Variants in CACNA1B observed in about 807,000 individuals in gnomAD.
The protein encoded by CACNA1B is voltage-dependent N-type calcium channel subunit alpha-1B.
CACNA1B carries 70 observed loss-of-function variants against 247.2 expected under a neutral mutation model. That is an observed-to-expected ratio of 0.28 (90% confidence interval 0.23 to 0.35). CACNA1B has a LOEUF of 0.35. CACNA1B is among the 10% of genes least tolerant of loss of function. The pLI, the probability that CACNA1B is intolerant of heterozygous loss-of-function variation, is 1.00. For missense variants in CACNA1B, 2,367 were observed against 3,197.4 expected (o/e 0.74, Z 6.26); for synonymous variants, 1,231 against 1,294.4 (o/e 0.95, Z 1.05).
intron 16 of CACNA1B, among the ~76,000 whole-genome samples, chr9:138,009,194 G>A (rs1039049034): frequency 1.3e-5 from 2 of 152,224 alleles, no homozygotes; most frequent in African/African-American, 2.4e-5. Context: ...TGCCTGTGCC[G>A]GTACCTGTGG....
chr9:138,119,834 C>T (rs1345006625), intron 44 of CACNA1B, among the ~76,000 whole-genome samples: 2 of 152,154 alleles, frequency 1.3e-5, no homozygotes, highest in African/African-American at 2.4e-5. Context: ...GGAAGCAGCT[C>T]GGGAGCCAGT....
chr9:138,004,316 G>A (rs537706775), intron 15 of CACNA1B, among the ~76,000 whole-genome samples: 22 of 152,052 alleles, frequency 1.4e-4, no homozygotes, highest in East Asian at 3.9e-4. Flanking sequence ...GGAGGCTGAG[G>A]GGGGGCTGAT....
In CACNA1B at chr9:137,971,640, C is replaced by T. The variant is rs1207724625; in HGVS notation, c.1543+48C>T. The T allele has an allele frequency of 6.6e-7, 1 of 1,517,424 alleles. No individual in the cohort carries two copies. Among genetic ancestry groups the T allele is most frequent in the East Asian group, 2.3e-5 (1 of 42,966 alleles). 94.0% of individuals were successfully genotyped at this position (1,517,424 alleles called of 1,614,324 possible). A position where few individuals can be genotyped will look rare whatever the true frequency, so the allele number is the denominator to read the frequency against. ...CAGGTGCTTCCTGAGCATCTCTGCT[C>T]TCAGTCTGGAAACCCTGGTCCATGC... On this transcript the variant is annotated intron_variant, in intron 11 of 46. Transcript: ENST00000371372. The surrounding 1 kb of genome is among the most constrained non-coding windows in gnomAD (Gnocchi z 4.4).
At position 137,913,135 on chromosome 9, in the gene CACNA1B, C is replaced by T; in HGVS notation, c.531-45C>T. On this transcript the variant is annotated intron_variant, in intron 3 of 46. Coordinates refer to ENST00000371372, the MANE Select transcript of CACNA1B (RefSeq NM_000718.4). The surrounding 1 kb of genome is among the most constrained non-coding windows in gnomAD (Gnocchi z 5.2). ...GGAGGAGTGTGTCCTCTTCCAGGCT[C>T]AATGTGGAAACCTTTACTTCCCTTC... 6.0e-6 allele frequency: 9 copies of T among 1,494,930 alleles called. No homozygotes were observed. Among genetic ancestry groups the T allele is most frequent in the Non-Finnish European group, 7.5e-6 (8 of 1,073,376 alleles). 92.6% of individuals were successfully genotyped at this position (1,494,930 alleles called of 1,614,324 possible). A position where few individuals can be genotyped will look rare whatever the true frequency, so the allele number is the denominator to read the frequency against.
chr9:138,053,395 C>T (rs1959364591), intron 25 of CACNA1B, among the ~76,000 whole-genome samples: 1 of 152,300 alleles, frequency 6.6e-6, no homozygotes, highest in South Asian at 2.1e-4. Flanking sequence ...GGCGGTGGAG[C>T]CTCTCTGTGG....
chr9:138,119,990 G>T (rs1184570691), intron 44 of CACNA1B, among the ~76,000 whole-genome samples, 175 bp from the exon 45 acceptor site: 1 of 152,134 alleles, frequency 6.6e-6, no homozygotes, highest in African/African-American at 2.4e-5. Context: ...GGCACTGTCT[G>T]CCCCCAGCCT....
chr9:138,103,008 C>G (rs998374728), intron 38 of CACNA1B, among the ~76,000 whole-genome samples: 3 of 152,204 alleles, frequency 2.0e-5, no homozygotes, highest in Non-Finnish European at 4.4e-5. Flanking sequence ...ATGTGGCCAC[C>G]ATGATGTCTC....
At chr9:138,027,021 G>A (rs1015558913) in intron 20 of CACNA1B, among the ~76,000 whole-genome samples, 4 of 152,180 alleles carry the variant, frequency 2.6e-5, no homozygotes, top group African/African-American at 7.2e-5. Context: ...GACATATGAC[G>A]TTGAGCATCT....
chr9:137,908,166 G>A (rs1303930110), intron 3 of CACNA1B, among the ~76,000 whole-genome samples: 2 of 152,212 alleles, frequency 1.3e-5, no homozygotes, highest in African/African-American at 2.4e-5. Flanking sequence ...CCATGTGGAT[G>A]TAAAGATGAG....
At position 138,054,757 on chromosome 9, in the gene CACNA1B, G is replaced by C. The variant is rs533811912; in HGVS notation, c.3968+751G>C. 4.6e-5 allele frequency among the ~76,000 whole-genome samples: 7 copies of C among 152,324 alleles called. No homozygotes were observed. In the South Asian group the frequency reaches 1.2e-3, roughly 27 times the overall value. On this transcript the variant is annotated intron_variant, in intron 26 of 46. Coordinates refer to ENST00000371372, the MANE Select transcript of CACNA1B (RefSeq NM_000718.4). The surrounding 1 kb of genome is among the most constrained non-coding windows in gnomAD (Gnocchi z 4.6). ...CCTTAGTAGATGCTGCCAGGCCCTT[G>C]TGTAAAATTACACTCTCTCCAGCGT...
chr9:137,940,193 A>G lies in CACNA1B; in HGVS notation c.967-12081A>G, dbSNP rs540177295. ...ATTAGCAAGTTTAACCAAGAAAAAA[A>G]GAGAGAAAATCCAAAGAAGCTCAAT... On this transcript the variant is annotated intron_variant, in intron 6 of 46. Coordinates refer to ENST00000371372, the MANE Select transcript of CACNA1B (RefSeq NM_000718.4). Among the ~76,000 whole-genome samples the G allele has an allele frequency of 4.6e-5, 7 of 152,350 alleles. No individual in the cohort carries two copies. The South Asian group carries it at 1.2e-3, about 27-fold the overall frequency.
chr9:137,908,341 C>A (rs958187919), intron 3 of CACNA1B, among the ~76,000 whole-genome samples: 3 of 151,988 alleles, frequency 2.0e-5, no homozygotes, highest in African/African-American at 7.2e-5. Context: ...CATGGTGGAA[C>A]CCCGTCTCTA....
At chr9:137,926,074 T>C (rs1206483356) in intron 6 of CACNA1B, among the ~76,000 whole-genome samples, 2 of 146,024 alleles carry the variant, frequency 1.4e-5, no homozygotes, top group East Asian at 4.0e-4. Flanking sequence ...CTTTCTTTTT[T>C]TTTTTTTTTT....
chr9:137,911,346 G>A (rs1172474835), intron 3 of CACNA1B, among the ~76,000 whole-genome samples: 1 of 152,100 alleles, frequency 6.6e-6, no homozygotes, highest in African/African-American at 2.4e-5. Context: ...CAGGTAACCT[G>A]GCATTTTGGT....
intron 13 of CACNA1B, among the ~76,000 whole-genome samples, chr9:137,985,537 C>T (rs1436446076): frequency 6.6e-6 from 1 of 152,226 alleles, no homozygotes; most frequent in Non-Finnish European, 1.5e-5. Context: ...ATCCCGTCTG[C>T]CATTAGCCCT....
chr9:138,108,685 G>C (rs1257741301), intron 39 of CACNA1B, among the ~76,000 whole-genome samples: 5 of 150,064 alleles, frequency 3.3e-5, no homozygotes, highest in East Asian at 3.9e-4. Flanking sequence ...GTCTCACTCT[G>C]TTGCCCAGGC....
At chr9:137,969,942 T>A (rs972055176) in intron 10 of CACNA1B, among the ~76,000 whole-genome samples, 1 of 152,094 alleles carries the variant, frequency 6.6e-6, no homozygotes, top group African/African-American at 2.4e-5. Context: ...CACATGCCAC[T>A]GAGAGCCTGG....
At chr9:137,999,040 C>G (rs766297599) in intron 15 of CACNA1B, among the ~76,000 whole-genome samples, 1 of 152,144 alleles carries the variant, frequency 6.6e-6, no homozygotes, top group Non-Finnish European at 1.5e-5. Context: ...GGCACAGTTC[C>G]TCACTCCTGT....
intron 24 of CACNA1B, chr9:138,049,938 T>C: frequency 2.1e-6 from 1 of 482,056 alleles, no homozygotes; most frequent in Non-Finnish European, 3.8e-6. Context: ...AGTTGTGGGG[T>C]GAGATCCAGA....
Sources: allele counts gnomAD v4.1 joint callset (sites outside exome capture counted in the v4.1 genomes callset), GRCh38; gene constraint gnomAD v4.1.1; non-coding constraint Gnocchi (gnomAD v3.1); transcripts MANE v1.5; gene names NCBI Gene and HGNC (gene_info 2026-07-23, HGNC 2026-07-21).